TRIM54: variants seen among roughly 807,000 people sequenced by gnomAD.
TRIM54 encodes tripartite motif-containing protein 54.
In TRIM54, 40 loss-of-function variants were observed where a neutral mutation model predicts 42.0. The observed-to-expected ratio is 0.95, with a 90% CI of 0.74 to 1.24. The LOEUF is 1.24. TRIM54 is among the 50% of genes most tolerant of loss of function. TRIM54 has a pLI of 0.00. For synonymous variants in TRIM54, 199 were observed against 194.9 expected (o/e 1.02, Z -0.17); for missense variants, 485 against 480.3 (o/e 1.01, Z -0.09).
chr2:27,288,985 G>A (rs553856849), intron 1 of TRIM54, among the ~76,000 whole-genome samples: 1 of 152,292 alleles, frequency 6.6e-6, no homozygotes, highest in South Asian at 2.1e-4. Flanking sequence ...ATAAACAGAA[G>A]CAGAAGATAG....
rs185082318 is a variant in TRIM54 at position 27,304,660 on chromosome 2, G to A, written c.514-299G>A. On this transcript the variant is annotated intron_variant, in intron 3 of 8. Coordinates refer to ENST00000380075, the MANE Select transcript of TRIM54 (RefSeq NM_187841.3). ...TAATCTTGAAGACTTTCTCAGAATC[G>A]ATGCAAGAAATGAATCTACAGATAA... is the stretch of plus-strand genomic sequence containing the variant. The A allele has an allele frequency of 7.5e-5, 23 of 306,492 alleles. No individual in the cohort carries two copies. In the South Asian group the frequency reaches 1.3e-3, roughly 18 times the overall value. 19.0% of individuals were successfully genotyped at this position (306,492 alleles called of 1,614,324 possible). A position where few individuals can be genotyped will look rare whatever the true frequency, so the allele number is the denominator to read the frequency against.
chr2:27,295,810 G>T (rs1678852253), intron 1 of TRIM54, among the ~76,000 whole-genome samples: 2 of 152,188 alleles, frequency 1.3e-5, no homozygotes, highest in Non-Finnish European at 2.9e-5. Context: ...ACAGGAGACT[G>T]CAGCCTTAGA....
chr2:27,303,008 G>C (rs1211919051), intron 3 of TRIM54, among the ~76,000 whole-genome samples: 2 of 151,950 alleles, frequency 1.3e-5, no homozygotes, highest in Non-Finnish European at 2.9e-5. Context: ...ATACTTGCAG[G>C]GTCCTCTCTA....
intron 1 of TRIM54, among the ~76,000 whole-genome samples, chr2:27,286,614 C>T (rs1678567092): frequency 6.6e-6 from 1 of 152,204 alleles, no homozygotes; most frequent in Admixed American, 6.5e-5. Flanking sequence ...CTCCACTTCA[C>T]TGTGGGCACT....
At chr2:27,300,010 T>A (rs1678985226) in intron 3 of TRIM54, among the ~76,000 whole-genome samples, 1 of 151,988 alleles carries the variant, frequency 6.6e-6, no homozygotes, top group African/African-American at 2.4e-5. Flanking sequence ...GGGATCTCTG[T>A]CGCGCAGGCT....
chr2:27,306,918 C>G lies in TRIM54; in HGVS notation c.*33C>G, dbSNP rs528795152. The G allele has an allele frequency of 1.3e-5, 4 of 314,286 alleles. No homozygotes were observed. The highest frequency in any genetic ancestry group is 2.4e-5 in the Non-Finnish European group (4 of 168,880). The allele number at this position is 314,286 out of a possible 1,614,324, so 19.5% of individuals were successfully genotyped here. On this transcript the variant is annotated 3_prime_UTR_variant, in exon 9 of 9. Transcript: ENST00000380075. This position sits in a 1 kb window ranked among gnomAD's most constrained non-coding sequence, Gnocchi z 6.1. ...GCCGACCCGACCCTGCTCGAGAGCC[C>G]GCGCTAGAGTCGGGGAGGATCTGCG...
At chr2:27,295,838 T>G (rs1049565080) in intron 1 of TRIM54, among the ~76,000 whole-genome samples, 1 of 152,222 alleles carries the variant, frequency 6.6e-6, no homozygotes. Context: ...CAACACCTCT[T>G]TCCTCACTTG....
intron 1 of TRIM54, among the ~76,000 whole-genome samples, chr2:27,294,203 A>G (rs1455048891): frequency 3.3e-5 from 5 of 151,914 alleles, no homozygotes; most frequent in Non-Finnish European, 2.9e-5. Flanking sequence ...ATCACAGCTC[A>G]CTGCAGCCTT....
In TRIM54 at chr2:27,307,380, C is replaced by T; in HGVS notation, c.*495C>T. The T allele has an allele frequency of 1.4e-6, 2 of 1,390,834 alleles. No individual in the cohort carries two copies. Among genetic ancestry groups the T allele is most frequent in the Non-Finnish European group, 1.9e-6 (2 of 1,047,222 alleles). 86.2% of individuals were successfully genotyped at this position (1,390,834 alleles called of 1,614,324 possible). A position where few individuals can be genotyped will look rare whatever the true frequency, so the allele number is the denominator to read the frequency against. ...TTCCCACGCTGCTGTGACTGCCCTGCCTCTACGACAAAAGCCAACGGGTCT... is the reference window on the plus strand; with the variant it reads ...TTCCCACGCTGCTGTGACTGCCCTGTCTCTACGACAAAAGCCAACGGGTCT... On this transcript the variant is annotated 3_prime_UTR_variant, in exon 9 of 9. Transcript: ENST00000380075. This position sits in a 1 kb window ranked among gnomAD's most constrained non-coding sequence, Gnocchi z 6.9.
At chr2:27,304,519 G>A (rs958503831) in intron 3 of TRIM54, among the ~76,000 whole-genome samples, 16 of 149,508 alleles carry the variant, frequency 1.1e-4, no homozygotes, top group Non-Finnish European at 2.1e-4. Flanking sequence ...AAAACAGAAC[G>A]TGCAGTTCTG....
intron 1 of TRIM54, 42 bp downstream of exon 1, chr2:27,282,941 G>A: frequency 1.9e-6 from 3 of 1,579,626 alleles, no homozygotes; most frequent in Non-Finnish European, 2.6e-6. Context: ...AAGCAATGCA[G>A]ACCTGTGGGG....
intron 1 of TRIM54, among the ~76,000 whole-genome samples, chr2:27,296,527 C>T (rs1303378019): frequency 1.3e-5 from 2 of 152,176 alleles, no homozygotes; most frequent in Non-Finnish European, 2.9e-5. Context: ...ATCTCGTTAC[C>T]ATTCTCAACA....
rs1244635778 is a variant in TRIM54 at position 27,282,531 on chromosome 2, G to T, written c.-201G>T. The T allele has an allele frequency of 6.6e-6, 3 of 454,726 alleles. No homozygotes were observed. In the Admixed American group the frequency reaches 1.2e-4, roughly 18 times the overall value. The allele number at this position is 454,726 out of a possible 1,614,324, so 28.2% of individuals were successfully genotyped here. A position where few individuals can be genotyped will look rare whatever the true frequency, so the allele number is the denominator to read the frequency against. On this transcript the variant is annotated 5_prime_UTR_variant, in exon 1 of 9. In the 5' UTR this introduces an upstream ATG that the reference lacks. Transcript: ENST00000380075. ...AGCTAAAACTACGTGAGCCTGGCGA[G>T]GGTGCAGAGCAGAAAGTAGAGACTG...
chr2:27,287,313 C>G (rs1187192536), intron 1 of TRIM54, among the ~76,000 whole-genome samples: 1 of 152,056 alleles, frequency 6.6e-6, no homozygotes, highest in Non-Finnish European at 1.5e-5. Context: ...GCCATCCCTC[C>G]TACCTCAGCC....
At position 27,302,401 on chromosome 2, in the gene TRIM54, G is replaced by A. The variant is rs1447881248; in HGVS notation, c.514-2558G>A. On this transcript the variant is annotated intron_variant, in intron 3 of 8. Transcript: ENST00000380075. Reference sequence around the variant, plus strand: ...GCAGAGCTTGCAGTGAGCCAAGATCGGGCCGCTGCACTCCAGCCTGGGCGA... The same window carrying A: ...GCAGAGCTTGCAGTGAGCCAAGATCAGGCCGCTGCACTCCAGCCTGGGCGA... Among the ~76,000 whole-genome samples the A allele has an allele frequency of 5.9e-5, 9 of 151,542 alleles. No homozygotes were observed. In the South Asian group the frequency reaches 1.9e-3, roughly 32 times the overall value.
Position 27,301,642 on chromosome 2 carries a change from C to T in TRIM54, c.513+2226C>T, listed in dbSNP as rs186719590. On this transcript the variant is annotated intron_variant, in intron 3 of 8. Transcript: ENST00000380075. ...CGTCTTGGTTTTGGTGGGTTTTGGC[C>T]GGCTTCCTTACTGCAACCTGTTTTA... 2.7e-3 allele frequency among the ~76,000 whole-genome samples: 412 copies of T among 152,168 alleles called. 4 individuals carry two copies. The highest frequency in any genetic ancestry group is 7.5e-4 in the Non-Finnish European group (51 of 68,002).
At chr2:27,305,426 TATG>T (rs1187127277) in intron 4 of TRIM54, 155 bp from the exon 5 acceptor site, 4 of 625,524 alleles carry the variant, frequency 6.4e-6, no homozygotes, top group Non-Finnish European at 1.1e-5. Flanking sequence ...GTGTTTTTAT[TATG>T]GAAAAGATCT....
chr2:27,306,574 A>T lies in TRIM54; in HGVS notation c.*1+32A>T. The T allele has an allele frequency of 6.6e-7, 1 of 1,508,612 alleles. No homozygotes were observed. 93.5% of individuals were successfully genotyped at this position (1,508,612 alleles called of 1,614,324 possible). A position where few individuals can be genotyped will look rare whatever the true frequency, so the allele number is the denominator to read the frequency against. On this transcript the variant is annotated intron_variant, in intron 8 of 8. Transcript: ENST00000380075. This position sits in a 1 kb window ranked among gnomAD's most constrained non-coding sequence, Gnocchi z 6.1. Reference sequence around the variant, plus strand: ...GCCGCCCGATGGGCCTTAAGGTGAGAGCGGCCTGAGGGGCTTGGGGTGGGG... The same window carrying T: ...GCCGCCCGATGGGCCTTAAGGTGAGTGCGGCCTGAGGGGCTTGGGGTGGGG...
At chr2:27,303,193 A>G (rs1330079651) in intron 3 of TRIM54, among the ~76,000 whole-genome samples, 1 of 152,278 alleles carries the variant, frequency 6.6e-6, no homozygotes, top group African/African-American at 2.4e-5. Flanking sequence ...AGTGCTGGCA[A>G]TGTCACTGAG....
Sources: allele counts gnomAD v4.1 joint callset (sites outside exome capture counted in the v4.1 genomes callset), GRCh38; gene constraint gnomAD v4.1.1; non-coding constraint Gnocchi (gnomAD v3.1); transcripts MANE v1.5; gene names NCBI Gene and HGNC (gene_info 2026-07-23, HGNC 2026-07-21).